The following UTP20 variants were observed in gnomAD, a reference collection of about 807,000 sequenced individuals.
UTP20 encodes small subunit processome component 20 homolog.
A neutral mutation model predicts 329.5 loss-of-function variants in UTP20; 164 were observed. The observed-to-expected ratio is 0.50, with a 90% confidence interval of 0.44 to 0.57. The LOEUF is 0.57. UTP20 is among the 20% of genes least tolerant of loss of function. UTP20 has a pLI of 0.00. For missense variants in UTP20, 3,055 were observed against 3,284.2 expected, an observed-to-expected ratio of 0.93 and a Z score of 1.71; for synonymous variants, 1,151 against 1,159.3, an observed-to-expected ratio of 0.99 and a Z score of 0.14.
In UTP20 at chr12:101,287,833, C is replaced by T. The variant is rs1226039490; in HGVS notation, c.516-1127C>T. ...TCACAGATAAAACAGATAAAAAATG[C>T]TCTTCTCACAAAGTTTACATTTTAG... is the stretch of plus-strand genomic sequence containing the variant. On this transcript the variant is annotated intron_variant, in intron 5 of 61. Transcript: ENST00000261637. 2.0e-5 allele frequency among the ~76,000 whole-genome samples: 3 copies of T among 152,224 alleles called. No homozygotes were observed. In the East Asian group the frequency reaches 5.8e-4, roughly 29 times the overall value.
chr12:101,382,339 A>C (rs1870674231), intron 58 of UTP20, among the ~76,000 whole-genome samples: 1 of 152,154 alleles, frequency 6.6e-6, no homozygotes, highest in Non-Finnish European at 1.5e-5. Context: ...CAGAGGTTTC[A>C]CTGAGCCGAG....
chr12:101,289,440 G>T (rs1872069909), intron 6 of UTP20, among the ~76,000 whole-genome samples: 1 of 151,810 alleles, frequency 6.6e-6, no homozygotes, highest in South Asian at 2.1e-4. Context: ...CTGATGAATA[G>T]AAGTAGATAT....
At chr12:101,355,598 C>T (rs532437000) in intron 41 of UTP20, among the ~76,000 whole-genome samples, 11 of 152,164 alleles carry the variant, frequency 7.2e-5, no homozygotes, top group Admixed American at 1.3e-4. Context: ...TGTTTTTGTA[C>T]GGTTTTATTG....
Position 101,383,042 on chromosome 12 carries a change from T to A in UTP20, c.7658T>A (p.Val2553Asp). ...KFLDQSLGEQ[V>D]VKNLLFAAKV... ...CCCCCACCCCGTTTTTTTTTAAAGGTTGTTAAGAATTTGTTGTTCGCAGCC... is the reference window on the plus strand; with the variant it reads ...CCCCCACCCCGTTTTTTTTTAAAGGATGTTAAGAATTTGTTGTTCGCAGCC... Residue 2553 changes from valine to aspartate, a missense_variant and splice_region_variant, in exon 59 of 62, where the codon GTT becomes GAT. Coordinates refer to ENST00000261637, the MANE Select transcript of UTP20 (RefSeq NM_014503.3). 8 of 1,586,814 alleles carry A rather than the reference T, an allele frequency of 5.0e-6. No individual in the cohort carries two copies. Among genetic ancestry groups the A allele is most frequent in the Non-Finnish European group, 6.8e-6 (8 of 1,170,416 alleles).
rs756718352 is a variant in UTP20 at position 101,333,269 on chromosome 12, T to C, written c.3418-32T>C. The C allele has an allele frequency of 5.0e-6, 8 of 1,603,618 alleles. No individual in the cohort carries two copies. In the Admixed American group the frequency reaches 6.8e-5, roughly 14 times the overall value. On this transcript the variant is annotated intron_variant, in intron 27 of 61. Coordinates refer to ENST00000261637, the MANE Select transcript of UTP20 (RefSeq NM_014503.3). ...ATCAGGGATAAAAATGATACATATGTATTTTTTGAACAGAAGATCTTTGTT... is the reference window on the plus strand; with the variant it reads ...ATCAGGGATAAAAATGATACATATGCATTTTTTGAACAGAAGATCTTTGTT...
chr12:101,312,208 G>A lies in UTP20; in HGVS notation c.2484G>A (p.Leu828=), dbSNP rs763528289. Residue 828 remains leucine (L), a synonymous_variant, in exon 21 of 62, where the codon CTG becomes CTA. Transcript: ENST00000261637. The part of the protein sequence containing the change: ...TNFRFLLWRA[L]TKFPERVEPR... Reference sequence around the variant, plus strand: ...TCAGATTCCTGCTCTGGAGAGCTCTGACCAAATTCCCAGAAAGAGTAGAGC... The same window carrying A: ...TCAGATTCCTGCTCTGGAGAGCTCTAACCAAATTCCCAGAAAGAGTAGAGC... 1.2e-6 allele frequency: 2 copies of A among 1,614,190 alleles called. No individual in the cohort carries two copies. Among genetic ancestry groups the A allele is most frequent in the South Asian group, 2.2e-5 (2 of 91,074 alleles).
At chr12:101,377,326 C>G (rs1870506737) in intron 56 of UTP20, among the ~76,000 whole-genome samples, 1 of 152,024 alleles carries the variant, frequency 6.6e-6, no homozygotes, top group Non-Finnish European at 1.5e-5. Flanking sequence ...TCCCCAAAAC[C>G]CACATTATAA....
In UTP20 at chr12:101,299,809, G is replaced by A. The variant is rs758248732; in HGVS notation, c.1558G>A (p.Ala520Thr). The A allele has an allele frequency of 8.1e-6, 13 of 1,610,908 alleles. No individual in the cohort carries two copies. The South Asian group carries it at 1.4e-4, about 18-fold the overall frequency. The change falls in exon 13 of 62, where the codon GCA becomes ACA. Residue 520 changes from alanine (A) to threonine (T), a missense_variant. By Grantham distance (58) the Ala-to-Thr change is moderately conservative (BLOSUM62 0). Coordinates refer to ENST00000261637, the MANE Select transcript of UTP20 (RefSeq NM_014503.3). ...KDTTYLSQSW[A>T]ALVVLPHIRP... The stretch of plus-strand genomic sequence containing the variant: ...TACTACTTACCTTTCACAATCTTGG[G>A]CAGCCCTCGTGGTGTTACCTCATAT...
At chr12:101,332,663 G>A (rs1331499247) in intron 27 of UTP20, among the ~76,000 whole-genome samples, 1 of 152,114 alleles carries the variant, frequency 6.6e-6, no homozygotes, top group African/African-American at 2.4e-5. Context: ...CTCCTAAATT[G>A]CATTTTTCTT....
chr12:101,308,363 AT>A lies in UTP20; in HGVS notation c.2154+25del, dbSNP rs754083933. On this transcript the variant is annotated intron_variant, in intron 18 of 61. Transcript: ENST00000261637. ...CAGGAGGTAAAAATAGTGTTCTTTTATTTTTCCTTTTTAATTCATGCTTTAA... is the reference window on the plus strand; with the variant it reads ...CAGGAGGTAAAAATAGTGTTCTTTTATTTTCCTTTTTAATTCATGCTTTAA... The A allele has an allele frequency of 1.0e-5, 14 of 1,403,908 alleles. No homozygotes were observed. The East Asian group carries it at 3.8e-4, about 38-fold the overall frequency. The allele number at this position is 1,403,908 out of a possible 1,614,324, so 87.0% of individuals were successfully genotyped here. A position where few individuals can be genotyped will look rare whatever the true frequency, so the allele number is the denominator to read the frequency against.
Position 101,379,369 on chromosome 12 carries a change from A to T in UTP20, c.7397-2A>T. On this transcript the variant is annotated splice_acceptor_variant, in intron 56 of 61. Transcript: ENST00000261637. LOFTEE classifies it high-confidence loss of function. ...TCCACAAATGCTTTTTGGTTCCCTT[A>T]GGTCATGTGCATTCTCACCTGAGAC... 1 of 1,598,146 alleles carries T rather than the reference A, an allele frequency of 6.3e-7. No individual in the cohort carries two copies. Among genetic ancestry groups the T allele is most frequent in the Admixed American group, 1.7e-5 (1 of 57,944 alleles).
At chr12:101,384,277 C>G (rs570915477) in intron 60 of UTP20, among the ~76,000 whole-genome samples, 1 of 152,196 alleles carries the variant, frequency 6.6e-6, no homozygotes, top group African/African-American at 2.4e-5. Context: ...CGTAGTGGCT[C>G]ACGCCTGTAA....
At chr12:101,315,532 G>T (rs957699409) in intron 21 of UTP20, among the ~76,000 whole-genome samples, 1 of 151,968 alleles carries the variant, frequency 6.6e-6, no homozygotes, top group East Asian at 1.9e-4. Context: ...AGAGGAGATG[G>T]ATACAGTACA....
rs759820954 is a variant in UTP20 at position 101,290,869 on chromosome 12, C to T, written c.872C>T (p.Thr291Ile). 4 of 1,612,516 alleles carry T rather than the reference C, an allele frequency of 2.5e-6. No individual in the cohort carries two copies. In the East Asian group the frequency reaches 6.7e-5, roughly 27 times the overall value. The change falls in exon 8 of 62, where the codon ACA becomes ATA. Residue 291 changes from threonine to isoleucine, a missense_variant. Thr to Ile is a moderately conservative substitution (Grantham distance 89). Transcript: ENST00000261637. ...TACATCTCCAAGGAACATTTTGGTA[C>T]ATTTTTTGAATGTTTGCAAGTGAGT... ...VSYISKEHFGTFFECLQESLL... is the reference protein window; with the variant it reads ...VSYISKEHFGIFFECLQESLL...
intron 43 of UTP20, among the ~76,000 whole-genome samples, chr12:101,359,185 T>C (rs1869827737): frequency 6.6e-6 from 1 of 152,134 alleles, no homozygotes; most frequent in African/African-American, 2.4e-5. Context: ...TGCCTCAGCC[T>C]CCGAAGTAGC....
At chr12:101,300,373 A>G (rs1440775919) in intron 14 of UTP20, among the ~76,000 whole-genome samples, 4 of 152,186 alleles carry the variant, frequency 2.6e-5, no homozygotes, top group Non-Finnish European at 4.4e-5. Flanking sequence ...GACTCCTAGT[A>G]TACACCTTAT....
At chr12:101,292,247 C>A in intron 10 of UTP20, 143 bp downstream of exon 10, 3 of 952,770 alleles carry the variant, frequency 3.1e-6, no homozygotes, top group East Asian at 2.7e-5. Flanking sequence ...GAATTGCATG[C>A]AGTAATGTAA....
In UTP20 at chr12:101,327,095, G is replaced by T. The variant is rs376327544; in HGVS notation, c.3056G>T (p.Arg1019Leu). 1 of 1,602,800 alleles carries T rather than the reference G, an allele frequency of 6.2e-7. No homozygotes were observed. Among genetic ancestry groups the T allele is most frequent in the South Asian group, 1.1e-5 (1 of 90,314 alleles). ...FPILMRILYG[R>L]MKNKTGSKTQ... ...TGCCTTTTCAGAATTTTGTATGGGC[G>T]AATGAAGAATAAGACTGGGAGTAAA... The change falls in exon 26 of 62, where the codon CGA becomes CTA. Residue 1019 changes from arginine (R) to leucine (L), a missense_variant. Physicochemically the swap from Arg to Leu is moderately radical, Grantham distance 102. Around this residue, in one of 3 missense-constraint regions of UTP20, gnomAD observed 2,445 missense variants for 2,575.5 expected, o/e 0.95. Coordinates refer to ENST00000261637, the MANE Select transcript of UTP20 (RefSeq NM_014503.3).
At chr12:101,377,423 C>T (rs1302268566) in intron 56 of UTP20, among the ~76,000 whole-genome samples, 1 of 151,870 alleles carries the variant, frequency 6.6e-6, no homozygotes, top group Non-Finnish European at 1.5e-5. Context: ...CTTTGCCTCC[C>T]GGGTTCAAGT....
Sources: gnomAD v4.1 joint callset for allele counts (sites outside exome capture counted in the v4.1 genomes callset) on GRCh38, gnomAD v4.1.1 for gene constraint, gnomAD v4.1.1 regional missense constraint, MANE v1.5 for transcripts, NCBI Gene and HGNC (gene_info 2026-07-23, HGNC 2026-07-21) for gene names.